Variants in CCDC34 observed in about 807,000 individuals in gnomAD.
CCDC34 encodes coiled-coil domain containing 34, also known as coiled-coil domain-containing protein 34.
A neutral mutation model predicts 44.1 loss-of-function variants in CCDC34; 40 were observed. That is an observed-to-expected ratio of 0.91 (90% CI 0.70 to 1.18). The LOEUF is 1.18. Among genes scored for constraint, CCDC34 ranks in the 50% most tolerant of loss-of-function variants. CCDC34 has a pLI of 0.00. For missense variants in CCDC34, 466 were observed against 452.3 expected (o/e 1.03, Z -0.28); for synonymous variants, 159 against 158.2 (o/e 1.01, Z -0.04).
At chr11:27,342,316 TAC>T (rs1353830315) in intron 3 of CCDC34, among the ~76,000 whole-genome samples, 20 of 119,746 alleles carry the variant, frequency 1.7e-4, no homozygotes, top group African/African-American at 5.3e-4. Context: ...TATATATATA[TAC>T]ACACACACAC....
intron 2 of CCDC34, among the ~76,000 whole-genome samples, chr11:27,355,819 A>G (rs749069389): frequency 2.3e-4 from 35 of 152,154 alleles, no homozygotes; most frequent in Non-Finnish European, 4.3e-4. Flanking sequence ...ATAAATTTGT[A>G]ATCTAGAATA....
At position 27,338,716 on chromosome 11, in the gene CCDC34, T is replaced by C. The variant is rs1862313562; in HGVS notation, c.*105A>G. 1 of 916,100 alleles carries C rather than the reference T, an allele frequency of 1.1e-6. No individual in the cohort carries two copies. 56.7% of individuals were successfully genotyped at this position (916,100 alleles called of 1,614,324 possible). A position where few individuals can be genotyped will look rare whatever the true frequency, so the allele number is the denominator to read the frequency against. ...ATACAAATGCAAAAATTGCTATTTG[T>C]CAATAATCACATTAAGTGTTGAGTT... On this transcript the variant is annotated 3_prime_UTR_variant, in exon 6 of 6. Transcript: ENST00000328697.
intron 1 of CCDC34, 119 bp downstream of exon 1, chr11:27,362,717 G>A: frequency 8.4e-7 from 1 of 1,192,554 alleles, no homozygotes; most frequent in Non-Finnish European, 1.2e-6. Context: ...CGGCACCTCA[G>A]TCTGCAAGTG....
intron 2 of CCDC34, among the ~76,000 whole-genome samples, chr11:27,354,020 G>A: frequency 6.6e-6 from 1 of 152,108 alleles, no homozygotes; most frequent in East Asian, 1.9e-4. Context: ...TAGGGATACA[G>A]TAAATACAGA....
At chr11:27,361,235 G>A (rs922010788) in intron 1 of CCDC34, among the ~76,000 whole-genome samples, 4 of 152,172 alleles carry the variant, frequency 2.6e-5, no homozygotes, top group African/African-American at 9.7e-5. Context: ...GCTCATTCTG[G>A]CTTTGGATAA....
chr11:27,352,052 A>G (rs569138040), intron 2 of CCDC34, among the ~76,000 whole-genome samples: 24 of 152,250 alleles, frequency 1.6e-4, no homozygotes, highest in Non-Finnish European at 2.9e-4. Context: ...ACTGACGAAG[A>G]GTGTGCCATA....
rs753123726 is a variant in CCDC34, at chr11:27,339,003, C to A, written c.940G>T (p.Ala314Ser). Residue 314 changes from alanine to serine, a missense_variant, in exon 6 of 6, where the codon GCC becomes TCC. By Grantham distance (99) the Ala-to-Ser change is moderately conservative (BLOSUM62 1). Coordinates refer to ENST00000328697, the MANE Select transcript of CCDC34 (RefSeq NM_030771.2). ...FYSGNSYPEP[A>S]FYNPIPWKPI... is the part of the protein sequence containing the mutation. ...TTCCACGGAATTGGATTATAAAAGGCTGGTTCTGGATAGGAATTTCCACTG... is the reference window on the plus strand; with the variant it reads ...TTCCACGGAATTGGATTATAAAAGGATGGTTCTGGATAGGAATTTCCACTG... The A allele has an allele frequency of 3.1e-6, 5 of 1,613,060 alleles. No homozygotes were observed. The South Asian group carries it at 5.5e-5, about 18-fold the overall frequency.
Position 27,362,841 on chromosome 11 carries a change from G to T in CCDC34, c.354C>A (p.Cys118Ter). The T allele has an allele frequency of 1.2e-6, 2 of 1,613,008 alleles. No individual in the cohort carries two copies. The highest frequency in any genetic ancestry group is 1.7e-6 in the Non-Finnish European group (2 of 1,179,170). The part of the protein sequence containing the change: ...ASLRGMELQG[C>*]ASTQVESENN... ...CCGGGCGGCCTCGGGTTTACCTGGCGCACCCCTGTAACTCCATTCCTCTCA... is the reference window on the plus strand; with the variant it reads ...CCGGGCGGCCTCGGGTTTACCTGGCTCACCCCTGTAACTCCATTCCTCTCA... Residue 118 changes from cysteine to a stop codon, truncating the protein, a stop_gained, in exon 1 of 6, where the codon TGC becomes TGA. Transcript: ENST00000328697. LOFTEE classifies it high-confidence loss of function.
chr11:27,361,364 C>T (rs1233369001), intron 1 of CCDC34, among the ~76,000 whole-genome samples: 2 of 152,208 alleles, frequency 1.3e-5, no homozygotes, highest in Non-Finnish European at 2.9e-5. Flanking sequence ...GTCATTTATT[C>T]CGCAGGTCAC....
intron 1 of CCDC34, among the ~76,000 whole-genome samples, chr11:27,359,109 A>G (rs1477115467): frequency 6.6e-6 from 1 of 152,046 alleles, no homozygotes; most frequent in African/African-American, 2.4e-5. Flanking sequence ...CTTTCAAATC[A>G]TTATCCACAC....
intron 1 of CCDC34, among the ~76,000 whole-genome samples, chr11:27,359,165 C>T (rs960846795): frequency 6.6e-6 from 1 of 152,070 alleles, no homozygotes; most frequent in African/African-American, 2.4e-5. Flanking sequence ...TATCATGTCA[C>T]TCCTCATCTT....
At chr11:27,347,674 T>G (rs1385092321) in intron 3 of CCDC34, among the ~76,000 whole-genome samples, 1 of 151,990 alleles carries the variant, frequency 6.6e-6, no homozygotes, top group African/African-American at 2.4e-5. Flanking sequence ...AAAAGGCAAC[T>G]CTAATCTACA....
intron 2 of CCDC34, among the ~76,000 whole-genome samples, chr11:27,353,331 A>C (rs1479586856): frequency 6.6e-6 from 1 of 151,956 alleles, no homozygotes; most frequent in African/African-American, 2.4e-5. Context: ...AAAAAGAAAA[A>C]AGAAGGCACC....
chr11:27,362,386 G>T (rs979467078), intron 1 of CCDC34, among the ~76,000 whole-genome samples: 1 of 152,162 alleles, frequency 6.6e-6, no homozygotes, highest in Non-Finnish European at 1.5e-5. Context: ...TATAAAAAGT[G>T]ACCTGTTTAC....
intron 1 of CCDC34, among the ~76,000 whole-genome samples, chr11:27,358,961 C>CA (rs1862618549): frequency 9.6e-6 from 1 of 104,570 alleles, no homozygotes; most frequent in Non-Finnish European, 2.1e-5. Flanking sequence ...CATGTGGACC[C>CA]CCCCCCCCCA....
chr11:27,340,648 T>A (rs772697119), intron 5 of CCDC34, 48 bp downstream of exon 5: 44 of 1,534,652 alleles, frequency 2.9e-5, no homozygotes, highest in Non-Finnish European at 3.7e-5. Flanking sequence ...GTATAATATT[T>A]GCTTCTGCAA....
At chr11:27,347,413 G>C (rs1862449065) in intron 3 of CCDC34, among the ~76,000 whole-genome samples, 1 of 152,184 alleles carries the variant, frequency 6.6e-6, no homozygotes, top group Admixed American at 6.5e-5. Flanking sequence ...ACTTGTACAT[G>C]AGTGGTCACA....
intron 2 of CCDC34, among the ~76,000 whole-genome samples, chr11:27,354,038 G>C (rs1368438491): frequency 6.6e-6 from 1 of 152,068 alleles, no homozygotes; most frequent in African/African-American, 2.4e-5. Context: ...AGAAAAATAA[G>C]GAAAACATGA....
chr11:27,346,438 G>T (rs1404045310), intron 3 of CCDC34, among the ~76,000 whole-genome samples: 1 of 144,948 alleles, frequency 6.9e-6, no homozygotes, highest in Non-Finnish European at 1.5e-5. Context: ...GGGGAGGGAG[G>T]GGAGGGGAGG....
Sources: allele counts gnomAD v4.1 joint callset (sites outside exome capture counted in the v4.1 genomes callset), GRCh38; gene constraint gnomAD v4.1.1; transcripts MANE v1.5; gene names NCBI Gene and HGNC (gene_info 2026-07-23, HGNC 2026-07-21).